CACNG4: variants seen among roughly 807,000 people sequenced by gnomAD.
CACNG4 encodes the protein calcium voltage-gated channel auxiliary subunit gamma 4, also known as voltage-dependent calcium channel gamma-4 subunit.
In CACNG4, 8 loss-of-function variants were observed where a neutral mutation model predicts 22.9. The observed-to-expected ratio is 0.35, with a 90% CI of 0.21 to 0.63. The LOEUF is 0.63. Ranked by LOEUF, CACNG4 falls within the 30% of genes least tolerant of loss-of-function variation. The pLI is 0.72. For missense variants in CACNG4, 357 were observed against 455.4 expected (o/e 0.78, Z 1.97); for synonymous variants, 188 against 191.9 (o/e 0.98, Z 0.17).
At chr17:67,023,834 C>T (rs143476993) in intron 2 of CACNG4, among the ~76,000 whole-genome samples, 4,981 of 152,284 alleles carry the variant, frequency 0.033, 164 homozygotes, top group African/African-American at 0.088. Flanking sequence ...GCCTTGGCCT[C>T]CCAAAGTGCT....
At chr17:67,026,709 G>A (rs1038423245) in intron 3 of CACNG4, among the ~76,000 whole-genome samples, 4 of 151,098 alleles carry the variant, frequency 2.6e-5, no homozygotes, top group African/African-American at 9.7e-5. Flanking sequence ...GTATATGTGT[G>A]TCTGAGGAGT....
chr17:66,996,094 T>C (rs2035372990), intron 1 of CACNG4, among the ~76,000 whole-genome samples: 1 of 152,116 alleles, frequency 6.6e-6, no homozygotes, highest in South Asian at 2.1e-4. Context: ...AGCGACTGGT[T>C]GACTTAGGAG....
intron 2 of CACNG4, among the ~76,000 whole-genome samples, chr17:67,023,377 G>C (rs185392307): frequency 0.024 from 3,385 of 142,650 alleles, 141 homozygotes; most frequent in African/African-American, 0.083. Flanking sequence ...CCGGGTTCAC[G>C]CCATTCTCCT....
chr17:67,017,022 A>C (rs2035502517), intron 1 of CACNG4, among the ~76,000 whole-genome samples: 1 of 152,062 alleles, frequency 6.6e-6, no homozygotes, highest in Non-Finnish European at 1.5e-5. Context: ...GCATTGAGTG[A>C]GGGGATTGGA....
Position 67,030,229 on chromosome 17 carries a change from T to G in CACNG4, c.446-237T>G, listed in dbSNP as rs549836560. 6.6e-6 allele frequency among the ~76,000 whole-genome samples: 1 copy of G among 152,148 alleles called. No individual in the cohort carries two copies. The highest frequency in any genetic ancestry group is 6.5e-5 in the Admixed American group (1 of 15,270). On this transcript the variant is annotated intron_variant, in intron 3 of 3. Transcript: ENST00000262138. This position sits in a 1 kb window ranked among gnomAD's most constrained non-coding sequence, Gnocchi z 6.4. ...ACGAAAGAAGACAACAGTAGTTGCC[T>G]TAAAGAGGGGAACTGGGGGCTGAGA...
intron 1 of CACNG4, among the ~76,000 whole-genome samples, chr17:66,981,684 C>T (rs2035274323): frequency 6.6e-6 from 1 of 152,180 alleles, no homozygotes; most frequent in Non-Finnish European, 1.5e-5. Flanking sequence ...TCCGCCCTAG[C>T]TGCTTATCCA....
chr17:67,002,949 C>A (rs1237007004), intron 1 of CACNG4, among the ~76,000 whole-genome samples: 1 of 152,150 alleles, frequency 6.6e-6, no homozygotes, highest in Non-Finnish European at 1.5e-5. Context: ...AACAGGGTTA[C>A]TTTGCTGGGC....
At chr17:67,017,498 C>CGTT (rs34653846) in intron 1 of CACNG4, among the ~76,000 whole-genome samples, 39,011 of 150,148 alleles carry the variant, frequency 0.26, 5,240 homozygotes, top group South Asian at 0.36. Context: ...TGGGCAAATT[C>CGTT]GTTGTTGTTG....
intron 1 of CACNG4, among the ~76,000 whole-genome samples, chr17:66,974,419 G>A (rs2035223540): frequency 1.3e-5 from 2 of 152,188 alleles, no homozygotes; most frequent in African/African-American, 2.4e-5. Flanking sequence ...TGGGGTAGGG[G>A]AAAGAGGCCA....
intron 1 of CACNG4, among the ~76,000 whole-genome samples, chr17:67,012,208 T>C (rs1017730392): frequency 2.6e-5 from 4 of 152,182 alleles, no homozygotes; most frequent in Non-Finnish European, 5.9e-5. Context: ...ACTTTCCTCT[T>C]CTGTCAAATG....
At chr17:66,993,322 G>A (rs970758262) in intron 1 of CACNG4, among the ~76,000 whole-genome samples, 1 of 152,240 alleles carries the variant, frequency 6.6e-6, no homozygotes, top group African/African-American at 2.4e-5. Context: ...GGTAGGCAGG[G>A]CCACTGGCTC....
At position 67,030,913 on chromosome 17, in the gene CACNG4, C is replaced by T. The variant is rs373248340; in HGVS notation, c.893C>T (p.Ala298Val). 1 of 1,613,176 alleles carries T rather than the reference C, an allele frequency of 6.2e-7. No individual in the cohort carries two copies. Among genetic ancestry groups the T allele is most frequent in the Non-Finnish European group, 8.5e-7 (1 of 1,180,020 alleles). The change falls in exon 4 of 4, where the codon GCC (alanine) becomes GTC (valine). Residue 298 changes from alanine (A) to valine (V), a missense_variant. Around this residue, in one of 3 missense-constraint regions of CACNG4, gnomAD observed 240 missense variants for 277.6 expected, o/e 0.86. Transcript: ENST00000262138. The surrounding 1 kb of genome is among the most constrained non-coding windows in gnomAD (Gnocchi z 6.4). ...GCCAGCTACAGCCCCGACCAGGAGG[C>T]CAGCTTCCTGCAGGTGCATGACTTT... is the stretch of plus-strand genomic sequence containing the variant. The part of the protein sequence containing the change: ...TAASYSPDQE[A>V]SFLQVHDFFQ...
intron 1 of CACNG4, among the ~76,000 whole-genome samples, chr17:66,995,192 C>T (rs2035366611): frequency 6.6e-6 from 1 of 152,196 alleles, no homozygotes; most frequent in Non-Finnish European, 1.5e-5. Context: ...ACTTCATTTT[C>T]CAGCTGTTAT....
At chr17:66,995,782 A>G (rs1322541458) in intron 1 of CACNG4, among the ~76,000 whole-genome samples, 1 of 152,098 alleles carries the variant, frequency 6.6e-6, no homozygotes, top group Admixed American at 6.5e-5. Flanking sequence ...CCCAGGAGGC[A>G]GAGGTTGCAG....
intron 1 of CACNG4, among the ~76,000 whole-genome samples, chr17:67,010,645 C>G (rs1260716058): frequency 1.3e-5 from 2 of 152,212 alleles, no homozygotes; most frequent in Non-Finnish European, 2.9e-5. Context: ...CATCACCTAT[C>G]AGCCCAGCTA....
Position 66,965,112 on chromosome 17 carries a change from G to T in CACNG4, c.201G>T (p.Trp67Cys). 6.3e-7 allele frequency: 1 copy of T among 1,586,654 alleles called. No individual in the cohort carries two copies. The highest frequency in any genetic ancestry group is 8.6e-7 in the Non-Finnish European group (1 of 1,168,556). Residue 67 changes from tryptophan to cysteine, a missense_variant, in exon 1 of 4, where the codon TGG becomes TGT. Coordinates refer to ENST00000262138, the MANE Select transcript of CACNG4 (RefSeq NM_014405.4). ...GCGACCTCACCCACTCTGGTCTGTG[G>T]CGGGTGTGCTGCATCGAAGGTACGG... ...ARGDLTHSGLWRVCCIEGIYK... is the reference protein window; with the variant it reads ...ARGDLTHSGLCRVCCIEGIYK...
Position 67,030,064 on chromosome 17 carries a change from C to T in CACNG4, c.446-402C>T, listed in dbSNP as rs923043892. Among the ~76,000 whole-genome samples the T allele has an allele frequency of 6.6e-6, 1 of 152,160 alleles. No homozygotes were observed. Among genetic ancestry groups the T allele is most frequent in the African/African-American group, 2.4e-5 (1 of 41,444 alleles). On this transcript the variant is annotated intron_variant, in intron 3 of 3. Coordinates refer to ENST00000262138, the MANE Select transcript of CACNG4 (RefSeq NM_014405.4). The surrounding 1 kb of genome is among the most constrained non-coding windows in gnomAD (Gnocchi z 6.4). The stretch of plus-strand genomic sequence containing the variant: ...CGTAGTTAGAAAGACAGGGATGGCT[C>T]TCCATGTTCTGATTCAGAACCGTCT...
At chr17:66,986,935 G>T (rs992306394) in intron 1 of CACNG4, among the ~76,000 whole-genome samples, 2 of 152,168 alleles carry the variant, frequency 1.3e-5, no homozygotes, top group Non-Finnish European at 2.9e-5. Flanking sequence ...GATACTGGGG[G>T]TTAGGACTTA....
rs1445162897 is a variant in CACNG4 at position 66,984,514 on chromosome 17, C to T, written c.220+19383C>T. Among the ~76,000 whole-genome samples, 3 of 152,176 alleles carry T rather than the reference C, an allele frequency of 2.0e-5. No individual in the cohort carries two copies. Among genetic ancestry groups the T allele is most frequent in the Non-Finnish European group, 1.5e-5 (1 of 68,028 alleles). On this transcript the variant is annotated intron_variant, in intron 1 of 3. Coordinates refer to ENST00000262138, the MANE Select transcript of CACNG4 (RefSeq NM_014405.4). This position sits in a 1 kb window ranked among gnomAD's most constrained non-coding sequence, Gnocchi z 4.0. Reference sequence around the variant, plus strand: ...CCTAGGTGATCCAGCAAATACTAGTCGAGAATGTGTGTGCCTAGCCCTGTG... The same window carrying T: ...CCTAGGTGATCCAGCAAATACTAGTTGAGAATGTGTGTGCCTAGCCCTGTG...
Sources: allele counts gnomAD v4.1 joint callset (sites outside exome capture counted in the v4.1 genomes callset), GRCh38; gene constraint gnomAD v4.1.1; regional missense constraint gnomAD v4.1.1; non-coding constraint Gnocchi (gnomAD v3.1); transcripts MANE v1.5; gene names NCBI Gene and HGNC (gene_info 2026-07-23, HGNC 2026-07-21).